Variants in ASTN2 observed in about 807,000 individuals in gnomAD.
ASTN2 encodes astrotactin-2.
Under a neutral mutation model 139.8 loss-of-function variants are expected in ASTN2, and 54 were observed. That is an observed-to-expected ratio of 0.39 (90% CI 0.31 to 0.48). The LOEUF is 0.48. Ranked by LOEUF, ASTN2 falls within the 20% of genes least tolerant of loss-of-function variation. The pLI, the probability that ASTN2 is intolerant of heterozygous loss-of-function variation, is 0.95. For missense variants in ASTN2, 1,565 were observed against 1,725.1 expected (o/e 0.91, Z 1.64); for synonymous variants, 756 against 719.5 (o/e 1.05, Z -0.81).
rs372331530 is a variant in ASTN2 at position 117,414,465 on chromosome 9, G to A, written c.442+32C>T. 10 of 1,603,076 alleles carry A rather than the reference G, an allele frequency of 6.2e-6. No homozygotes were observed. The African/African-American group carries it at 9.5e-5, about 15-fold the overall frequency. On this transcript the variant is annotated intron_variant, in intron 1 of 22. Transcript: ENST00000313400. This position sits in a 1 kb window ranked among gnomAD's most constrained non-coding sequence, Gnocchi z 4.2. ...ATGACGCAGGGGCTCGGGGTTCCTT[G>A]GGATCTAGCGCGTGCCGGCGCCCAG... is the stretch of plus-strand genomic sequence containing the variant.
In ASTN2 at chr9:116,620,388, A is replaced by G. The variant is rs1856074230; in HGVS notation, c.3128T>C (p.Ile1043Thr). The change falls in exon 18 of 23, where the codon ATC becomes ACC. Residue 1043 changes from isoleucine (I) to threonine (T), a missense_variant. Ile to Thr is a moderately conservative substitution (Grantham distance 89). This residue lies in a region of ASTN2 where 418 missense variants were observed against 465.8 expected (regional missense o/e 0.90). Coordinates refer to ENST00000313400, the MANE Select transcript of ASTN2 (RefSeq NM_001365068.1). Reference protein sequence around the residue: ...SYWCSGKGDVIDDWCRCDLSA... With the variant: ...SYWCSGKGDVTDDWCRCDLSA... ...GAGGTCACACCTGCACCAGTCATCG[A>G]TCACATCCCCTTTCCCTGAGCACCA... 1 of 1,614,082 alleles carries G rather than the reference A, an allele frequency of 6.2e-7. No individual in the cohort carries two copies. Among genetic ancestry groups the G allele is most frequent in the Non-Finnish European group, 8.5e-7 (1 of 1,180,048 alleles).
chr9:117,147,840 T>A (rs1830237076), intron 3 of ASTN2, among the ~76,000 whole-genome samples: 1 of 152,198 alleles, frequency 6.6e-6, no homozygotes, highest in South Asian at 2.1e-4. Context: ...TGCTCTGGCC[T>A]TATCTGTTGC....
intron 6 of ASTN2, among the ~76,000 whole-genome samples, chr9:117,011,319 G>T (rs1837528421): frequency 6.6e-6 from 1 of 152,196 alleles, no homozygotes; most frequent in Admixed American, 6.5e-5. Context: ...TCTTTGGGAG[G>T]TGATTACATG....
intron 6 of ASTN2, among the ~76,000 whole-genome samples, chr9:117,015,558 C>T (rs978269314): frequency 6.6e-6 from 1 of 152,124 alleles, no homozygotes; most frequent in African/African-American, 2.4e-5. Context: ...CTATTTTCAT[C>T]CACTCCCCAG....
intron 5 of ASTN2, among the ~76,000 whole-genome samples, chr9:117,049,943 C>T (rs2132665994): frequency 6.6e-6 from 1 of 152,158 alleles, no homozygotes; most frequent in African/African-American, 2.4e-5. Context: ...AGATCTAAAG[C>T]TCTAGAATGG....
At chr9:116,468,794 G>C (rs895978320) in intron 20 of ASTN2, among the ~76,000 whole-genome samples, 5 of 152,120 alleles carry the variant, frequency 3.3e-5, no homozygotes, top group African/African-American at 1.2e-4. Context: ...CTTATGATTT[G>C]AGCTCTACCA....
At chr9:117,086,775 G>T (rs1362206088) in intron 5 of ASTN2, among the ~76,000 whole-genome samples, 1 of 152,052 alleles carries the variant, frequency 6.6e-6, no homozygotes, top group Non-Finnish European at 1.5e-5. Flanking sequence ...CCCCATGAAG[G>T]CGCTGATGCA....
intron 16 of ASTN2, chr9:116,697,625 C>G: frequency 7.7e-7 from 1 of 1,295,794 alleles, no homozygotes; most frequent in Non-Finnish European, 1.1e-6. Context: ...TTTATATAGT[C>G]AGAGGAAAAT....
intron 1 of ASTN2, among the ~76,000 whole-genome samples, chr9:117,380,878 A>G (rs1309476471): frequency 2.0e-5 from 3 of 152,190 alleles, no homozygotes; most frequent in Non-Finnish European, 2.9e-5. Context: ...CAGAATTACC[A>G]TATACCCAGC....
chr9:116,472,885 C>G (rs919401479), intron 20 of ASTN2, among the ~76,000 whole-genome samples: 3 of 150,560 alleles, frequency 2.0e-5, no homozygotes, highest in Non-Finnish European at 2.9e-5. Flanking sequence ...TGAGATTGTG[C>G]CACTGCACTC....
rs1225945058 is a variant in ASTN2, at chr9:117,052,435, A to C, written c.1277-12470T>G. ...CTGGGCGAGAGAGAGACTCCATCTT[A>C]AAAAAAAAAAAAAAAAGAAAGAAAG... On this transcript the variant is annotated intron_variant, in intron 5 of 22. Coordinates refer to ENST00000313400, the MANE Select transcript of ASTN2 (RefSeq NM_001365068.1). Among the ~76,000 whole-genome samples, 280 of 145,798 alleles carry C rather than the reference A, an allele frequency of 1.9e-3. 2 individuals carry two copies. The highest frequency in any genetic ancestry group is 3.5e-3 in the African/African-American group (139 of 40,170).
chr9:116,772,136 A>G (rs1355813616), intron 13 of ASTN2, among the ~76,000 whole-genome samples: 2 of 152,236 alleles, frequency 1.3e-5, no homozygotes, highest in East Asian at 3.9e-4. Flanking sequence ...AGAGAACTGC[A>G]AATGCAAAGA....
At position 116,603,727 on chromosome 9, in the gene ASTN2, T is replaced by C. The variant is rs138241893; in HGVS notation, c.3355+14597A>G. ...TCTGGATGAAAGGTAGGTACCAACC[T>C]AGCATAATTCTTGCCTGGCCTGGAA... On this transcript the variant is annotated intron_variant, in intron 19 of 22. Coordinates refer to ENST00000313400, the MANE Select transcript of ASTN2 (RefSeq NM_001365068.1). 9.7e-3 allele frequency among the ~76,000 whole-genome samples: 1,472 copies of C among 152,326 alleles called. 12 individuals carry two copies. The highest frequency in any genetic ancestry group is 0.037 in the Middle Eastern group (11 of 294).
chr9:116,837,013 G>T (rs867633435), intron 11 of ASTN2, among the ~76,000 whole-genome samples: 4 of 152,022 alleles, frequency 2.6e-5, no homozygotes, highest in Admixed American at 2.6e-4. Flanking sequence ...CCATGTTAAG[G>T]CACCTGGAGT....
chr9:116,562,939 C>CCA lies in ASTN2; in HGVS notation c.3355+55384_3355+55385insTG, dbSNP rs1195410670. Among the ~76,000 whole-genome samples, 4 of 152,046 alleles carry CCA rather than the reference C, an allele frequency of 2.6e-5. 1 individual carries two copies. The highest frequency in any genetic ancestry group is 5.9e-5 in the Non-Finnish European group (4 of 68,020). On this transcript the variant is annotated intron_variant, in intron 19 of 22. Coordinates refer to ENST00000313400, the MANE Select transcript of ASTN2 (RefSeq NM_001365068.1). The stretch of plus-strand genomic sequence containing the variant: ...CAGAAAGTATGCTTGGTCTTAAAGA[C>CCA]ACAGAGGTGACCAAGAGAGGCATAA...
intron 2 of ASTN2, among the ~76,000 whole-genome samples, chr9:117,254,556 T>A (rs1357783159): frequency 6.6e-6 from 1 of 152,178 alleles, no homozygotes; most frequent in Non-Finnish European, 1.5e-5. Flanking sequence ...GGAAGCTTAG[T>A]GTCAACTTAA....
chr9:116,516,948 C>A (rs1268086555), intron 19 of ASTN2, among the ~76,000 whole-genome samples: 1 of 152,198 alleles, frequency 6.6e-6, no homozygotes, highest in Admixed American at 6.5e-5. Flanking sequence ...CCATTCCCCA[C>A]AGCAGCTACA....
intron 20 of ASTN2, among the ~76,000 whole-genome samples, chr9:116,478,402 G>A (rs1179812636): frequency 6.6e-6 from 1 of 152,120 alleles, no homozygotes; most frequent in Non-Finnish European, 1.5e-5. Flanking sequence ...ACCCTATCAA[G>A]CCTCTCCTGG....
intron 4 of ASTN2, among the ~76,000 whole-genome samples, chr9:117,096,602 C>T (rs982743015): frequency 6.6e-5 from 10 of 152,150 alleles, no homozygotes; most frequent in African/African-American, 1.7e-4. Flanking sequence ...AAGTGCAAGA[C>T]GCTGGAGATA....
Sources: allele counts gnomAD v4.1 joint callset (sites outside exome capture counted in the v4.1 genomes callset), GRCh38; gene constraint gnomAD v4.1.1; regional missense constraint gnomAD v4.1.1; non-coding constraint Gnocchi (gnomAD v3.1); transcripts MANE v1.5; gene names NCBI Gene and HGNC (gene_info 2026-07-23, HGNC 2026-07-21).